Variants in ZFPM2 observed in about 807,000 individuals in gnomAD.
The protein encoded by ZFPM2 is zinc finger protein ZFPM2.
ZFPM2 carries 20 observed loss-of-function variants against 98.6 expected under a neutral mutation model. That is an observed-to-expected ratio of 0.20 (90% CI 0.14 to 0.29). The LOEUF (loss-of-function observed/expected upper bound fraction) is 0.29, where lower values mean the gene tolerates loss of function less well. ZFPM2 is among the 10% of genes least tolerant of loss of function. The pLI is 1.00. For missense variants in ZFPM2, 1,310 were observed against 1,388.6 expected, an observed-to-expected ratio of 0.94 and a Z score of 0.90; for synonymous variants, 518 against 502.7, an observed-to-expected ratio of 1.03 and a Z score of -0.41.
intron 4 of ZFPM2, among the ~76,000 whole-genome samples, chr8:105,621,933 C>T (rs548708314): frequency 2.9e-4 from 44 of 152,076 alleles, no homozygotes; most frequent in South Asian, 2.3e-3. Flanking sequence ...TGTGCCATGT[C>T]GGTGTGCTGC....
At chr8:105,686,347 C>A (rs531037834) in intron 5 of ZFPM2, among the ~76,000 whole-genome samples, 7 of 152,034 alleles carry the variant, frequency 4.6e-5, no homozygotes, top group Admixed American at 1.3e-4. Context: ...AATTTCCTTT[C>A]CATTTTCTCT....
At chr8:105,553,304 AG>A in intron 3 of ZFPM2, among the ~76,000 whole-genome samples, 1 of 152,306 alleles carries the variant, frequency 6.6e-6, no homozygotes, top group South Asian at 2.1e-4. Context: ...ATAAGGTAAA[AG>A]GTTCCTGAGT....
At chr8:105,583,264 A>G (rs182504632) in intron 4 of ZFPM2, among the ~76,000 whole-genome samples, 24 of 152,146 alleles carry the variant, frequency 1.6e-4, no homozygotes, top group Admixed American at 1.4e-3. Context: ...TTGATTATAT[A>G]TTTTGTTCTA....
chr8:105,528,175 G>A (rs547011076), intron 3 of ZFPM2, among the ~76,000 whole-genome samples: 1 of 152,208 alleles, frequency 6.6e-6, no homozygotes, highest in Non-Finnish European at 1.5e-5. Context: ...GATGGGGAGG[G>A]GTGTATTTTG....
intron 3 of ZFPM2, among the ~76,000 whole-genome samples, chr8:105,458,069 G>A (rs949402527): frequency 6.6e-6 from 1 of 152,154 alleles, no homozygotes; most frequent in African/African-American, 2.4e-5. Context: ...GCTCTTGGCT[G>A]TTGGAAGTTT....
At chr8:105,393,734 G>A (rs1392090542) in intron 1 of ZFPM2, among the ~76,000 whole-genome samples, 3 of 152,030 alleles carry the variant, frequency 2.0e-5, no homozygotes, top group African/African-American at 7.2e-5. Context: ...GAGTTTGATT[G>A]TTGATTCCTA....
At chr8:105,673,922 A>G (rs780377642) in intron 5 of ZFPM2, among the ~76,000 whole-genome samples, 10 of 152,230 alleles carry the variant, frequency 6.6e-5, no homozygotes, top group African/African-American at 1.7e-4. Context: ...GGAAGATCCC[A>G]TAGCATCACG....
Position 105,706,341 on chromosome 8 carries a change from G to A in ZFPM2, c.532+71984G>A, listed in dbSNP as rs185630390. 3.7e-4 allele frequency among the ~76,000 whole-genome samples: 57 copies of A among 152,180 alleles called. 2 individuals are homozygous for A. The highest frequency in any genetic ancestry group is 2.9e-3 in the East Asian group (15 of 5,170). On this transcript the variant is annotated intron_variant, in intron 5 of 7. Transcript: ENST00000407775. ...AAAATCAGAATCAATGCACAAAAGC[G>A]TATGACAGTATGCAAAAATGAAGAC...
chr8:105,520,298 G>A (rs1350385185), intron 3 of ZFPM2, among the ~76,000 whole-genome samples: 1 of 152,086 alleles, frequency 6.6e-6, no homozygotes, highest in Non-Finnish European at 1.5e-5. Flanking sequence ...AATGCAATGT[G>A]TAAAGGAATC....
At chr8:105,481,491 A>C (rs1180768245) in intron 3 of ZFPM2, among the ~76,000 whole-genome samples, 1 of 152,024 alleles carries the variant, frequency 6.6e-6, no homozygotes, top group East Asian at 1.9e-4. Flanking sequence ...TCCTCCTCTT[A>C]TAAGGACTCT....
intron 3 of ZFPM2, among the ~76,000 whole-genome samples, chr8:105,552,812 CTTTTTTTTT>C (rs781365155): frequency 1.8e-4 from 20 of 112,464 alleles, no homozygotes; most frequent in Non-Finnish European, 3.5e-4. Context: ...TTCAGATGTT[CTTTTTTTTT>C]TTTTTTTTTT....
At chr8:105,467,858 G>A (rs1369797274) in intron 3 of ZFPM2, among the ~76,000 whole-genome samples, 1 of 151,864 alleles carries the variant, frequency 6.6e-6, no homozygotes, top group Non-Finnish European at 1.5e-5. Flanking sequence ...ATTAAAATCT[G>A]TATGCATAAA....
intron 1 of ZFPM2, among the ~76,000 whole-genome samples, chr8:105,410,686 T>C (rs1298345557): frequency 6.6e-6 from 1 of 151,970 alleles, no homozygotes; most frequent in Non-Finnish European, 1.5e-5. Context: ...ATAGTAGCAA[T>C]ATTTTGATGG....
chr8:105,665,446 A>G (rs1817471560), intron 5 of ZFPM2, among the ~76,000 whole-genome samples: 2 of 152,184 alleles, frequency 1.3e-5, no homozygotes, highest in Middle Eastern at 3.2e-3. Flanking sequence ...CAACCCTGCC[A>G]TGGATTTCAG....
chr8:105,620,137 C>T (rs1816505101), intron 4 of ZFPM2, among the ~76,000 whole-genome samples: 1 of 152,180 alleles, frequency 6.6e-6, no homozygotes, highest in Admixed American at 6.5e-5. Flanking sequence ...AACTAGTTTA[C>T]AGTCCCACCA....
At chr8:105,515,362 TG>T (rs1813897396) in intron 3 of ZFPM2, among the ~76,000 whole-genome samples, 1 of 152,218 alleles carries the variant, frequency 6.6e-6, no homozygotes, top group Admixed American at 6.5e-5. Context: ...GTGTTTATTG[TG>T]TGCTATGTGC....
In ZFPM2 at chr8:105,441,490, G is replaced by GAAAAGAAAAGA. The variant is rs138686924; in HGVS notation, c.200-2787_200-2786insAGAAAAGAAAA. Reference sequence around the variant, plus strand: ...AGAAAGAAAGAAAGAAAGAAAGAAAGAAAGAAAGAAATCAAAGCCCAGGGG... The same window carrying GAAAAGAAAAGA: ...AGAAAGAAAGAAAGAAAGAAAGAAAGAAAAGAAAAGAAAAGAAAGAAATCAAAGCCCAGGGG... On this transcript the variant is annotated intron_variant, in intron 2 of 7. Coordinates refer to ENST00000407775, the MANE Select transcript of ZFPM2 (RefSeq NM_012082.4). Among the ~76,000 whole-genome samples, 61 of 71,150 alleles carry GAAAAGAAAAGA rather than the reference G, an allele frequency of 8.6e-4. 7 individuals carry two copies. The highest frequency in any genetic ancestry group is 4.9e-3 in the African/African-American group (43 of 8,832). 46.7% of individuals were successfully genotyped at this position (71,150 alleles called of 152,430 possible).
chr8:105,347,522 G>A (rs1812562200), intron 1 of ZFPM2, among the ~76,000 whole-genome samples: 1 of 152,114 alleles, frequency 6.6e-6, no homozygotes. Context: ...AAGAGGTTAT[G>A]TTTCAAATAG....
At chr8:105,586,417 T>C (rs1273207232) in intron 4 of ZFPM2, among the ~76,000 whole-genome samples, 11 of 151,912 alleles carry the variant, frequency 7.2e-5, no homozygotes, top group Non-Finnish European at 1.5e-4. Context: ...TTTTTTATTA[T>C]TATTTTTTAT....
Sources: gnomAD v4.1 joint callset for allele counts (sites outside exome capture counted in the v4.1 genomes callset) on GRCh38, gnomAD v4.1.1 for gene constraint, MANE v1.5 for transcripts, NCBI Gene and HGNC (gene_info 2026-07-23, HGNC 2026-07-21) for gene names.